MXRA7: variants seen among roughly 807,000 people sequenced by gnomAD.
The protein encoded by MXRA7 is matrix-remodeling-associated protein 7.
MXRA7 carries 18 observed loss-of-function variants against 17.4 expected under a neutral mutation model. The ratio of observed to expected loss-of-function variants is 1.03; its 90% CI spans 0.71 to 1.53. The LOEUF is 1.53. Among genes scored for constraint, MXRA7 ranks in the 40% most tolerant of loss-of-function variants. MXRA7 has a pLI of 0.00. For synonymous variants in MXRA7, 70 were observed against 101.7 expected (o/e 0.69, Z 1.87); for missense variants, 141 against 209.3 (o/e 0.67, Z 2.01).
intron 1 of MXRA7, among the ~76,000 whole-genome samples, chr17:76,691,702 G>A (rs1328015307): frequency 6.6e-6 from 1 of 152,136 alleles, no homozygotes; most frequent in Admixed American, 6.6e-5. Context: ...GTGGAGTGTT[G>A]TGTGCATGGA....
rs1032086062 is a variant in MXRA7 at position 76,680,259 on chromosome 17, A to C, written c.*608T>G. The C allele has an allele frequency of 1.0e-6, 1 of 971,086 alleles. No individual in the cohort carries two copies. Among genetic ancestry groups the C allele is most frequent in the Non-Finnish European group, 1.2e-6 (1 of 817,246 alleles). 60.2% of individuals were successfully genotyped at this position (971,086 alleles called of 1,614,324 possible). ...CCGAGATTCCTCTAGATGAAAAATA[A>C]GGGGAATGGTCAAGTAAATTCCTGG... On this transcript the variant is annotated 3_prime_UTR_variant, in exon 4 of 4. Transcript: ENST00000449428.
chr17:76,710,495 G>C, intron 1 of MXRA7, 110 bp downstream of exon 1: 2 of 936,354 alleles, frequency 2.1e-6, no homozygotes, highest in Non-Finnish European at 2.7e-6. Context: ...CGCTTCCTGG[G>C]GGCAGCCTGG....
exon 4 of MXRA7, chr17:76,673,380 T>C (rs2076216797): frequency 6.6e-6 from 1 of 152,252 alleles, no homozygotes; most frequent in Admixed American, 6.5e-5. Context: ...GCCTAATGGA[T>C]GACTGTGGGC....
At chr17:76,688,055 GAC>G in intron 2 of MXRA7, 56 bp downstream of exon 2, 1 of 1,571,192 alleles carries the variant, frequency 6.4e-7, no homozygotes, top group Non-Finnish European at 8.7e-7. Flanking sequence ...TCCCCAGCAG[GAC>G]ACAGACCACC....
rs771087675 is a variant in MXRA7, at chr17:76,680,853, T to C, written c.*14A>G. 1.2e-6 allele frequency: 2 copies of C among 1,610,306 alleles called. No individual in the cohort carries two copies. Among genetic ancestry groups the C allele is most frequent in the Admixed American group, 3.4e-5 (2 of 59,408 alleles). ...AAAGGAAAAGCCTTTAGGAGGACGCTAAGGATAACTTCGTTATTCTTCAGT... is the reference window on the plus strand; with the variant it reads ...AAAGGAAAAGCCTTTAGGAGGACGCCAAGGATAACTTCGTTATTCTTCAGT... On this transcript the variant is annotated 3_prime_UTR_variant, in exon 4 of 4. Coordinates refer to ENST00000449428, the MANE Select transcript of MXRA7 (RefSeq NM_198530.4).
At chr17:76,708,201 C>T (rs2076682595) in intron 1 of MXRA7, among the ~76,000 whole-genome samples, 1 of 152,216 alleles carries the variant, frequency 6.6e-6, no homozygotes, top group Non-Finnish European at 1.5e-5. Flanking sequence ...AGATCCTTCT[C>T]AATAATCAGC....
intron 2 of MXRA7, 114 bp downstream of exon 2, chr17:76,687,999 T>TGCCACCCCCAACCAC: frequency 1.2e-6 from 1 of 801,730 alleles, no homozygotes; most frequent in Non-Finnish European, 2.0e-6. Flanking sequence ...CAGGCCACTG[T>TGCCACCCCCAACCAC]CCCACCCCAT....
At chr17:76,698,375 A>G (rs1315525572) in intron 1 of MXRA7, among the ~76,000 whole-genome samples, 3 of 149,770 alleles carry the variant, frequency 2.0e-5, no homozygotes. Context: ...GGGGGGGAGC[A>G]GCAAAGCCCA....
At chr17:76,684,842 C>A (rs1452349792) in intron 3 of MXRA7, among the ~76,000 whole-genome samples, 1 of 152,048 alleles carries the variant, frequency 6.6e-6, no homozygotes, top group African/African-American at 2.4e-5. Flanking sequence ...TCACCAGTGG[C>A]CTCCTTCTGG....
At chr17:76,677,621 G>T (rs201215419), downstream of MXRA7, 130 of 1,612,898 alleles carry the variant, frequency 8.1e-5, no homozygotes, top group Non-Finnish European at 8.4e-5. Flanking sequence ...GCTCCTGCAC[G>T]TCGCCGTCGG....
Position 76,698,744 on chromosome 17 carries a change from T to C in MXRA7, c.343-10568A>G, listed in dbSNP as rs1327679997. ...TTTTTTTTTTTTTTTTTTTTTGAGA[T>C]AAGAGTCTTGCTCTGTTGCCCAGGC... On this transcript the variant is annotated intron_variant, in intron 1 of 3. Coordinates refer to ENST00000449428, the MANE Select transcript of MXRA7 (RefSeq NM_198530.4). Among the ~76,000 whole-genome samples the C allele has an allele frequency of 9.5e-5, 10 of 104,762 alleles. No individual in the cohort carries two copies. The Admixed American group carries it at 1.2e-3, about 12-fold the overall frequency. The allele number at this position is 104,762 out of a possible 152,430, so 68.7% of individuals were successfully genotyped here. A position where few individuals can be genotyped will look rare whatever the true frequency, so the allele number is the denominator to read the frequency against.
chr17:76,678,031 G>A (rs1056334945), downstream of MXRA7, among the ~76,000 whole-genome samples: 1 of 152,158 alleles, frequency 6.6e-6, no homozygotes, highest in Non-Finnish European at 1.5e-5. Flanking sequence ...GTCCCACAGT[G>A]ATGTAATGAG....
At chr17:76,691,122 G>A (rs1255002044) in intron 1 of MXRA7, among the ~76,000 whole-genome samples, 1 of 152,188 alleles carries the variant, frequency 6.6e-6, no homozygotes, top group African/African-American at 2.4e-5. Flanking sequence ...TTCCTCCAGA[G>A]ACTGGAGAGG....
intron 1 of MXRA7, among the ~76,000 whole-genome samples, chr17:76,708,608 T>C (rs1257147611): frequency 1.3e-5 from 2 of 152,192 alleles, no homozygotes; most frequent in Admixed American, 1.3e-4. Flanking sequence ...CTTTTTTTTC[T>C]TGTCACTGAC....
chr17:76,680,733 G>A lies in MXRA7; in HGVS notation c.*134C>T. ...GACAAGTCCTGATTGAGGGTCTAGA[G>A]CTCAGCAGATTTATGGAGGCAGCAT... On this transcript the variant is annotated 3_prime_UTR_variant, in exon 4 of 4. Coordinates refer to ENST00000449428, the MANE Select transcript of MXRA7 (RefSeq NM_198530.4). 10 of 1,485,394 alleles carry A rather than the reference G, an allele frequency of 6.7e-6. No homozygotes were observed. Among genetic ancestry groups the A allele is most frequent in the South Asian group, 1.4e-5 (1 of 72,532 alleles). The allele number at this position is 1,485,394 out of a possible 1,614,324, so 92.0% of individuals were successfully genotyped here.
At position 76,679,873 on chromosome 17, in the gene MXRA7, G is replaced by C. The variant is rs1459441924; in HGVS notation, c.*994C>G. On this transcript the variant is annotated 3_prime_UTR_variant, in exon 4 of 4. Coordinates refer to ENST00000449428, the MANE Select transcript of MXRA7 (RefSeq NM_198530.4). ...AACCAAAGGTTCCAGGCCCAGATGA[G>C]AAGGCCCCTGGGAATGCATGCCATA... 2.5e-6 allele frequency: 1 copy of C among 404,158 alleles called. No homozygotes were observed. Among genetic ancestry groups the C allele is most frequent in the Non-Finnish European group, 3.3e-6 (1 of 304,804 alleles). The allele number at this position is 404,158 out of a possible 1,614,324, so 25.0% of individuals were successfully genotyped here.
At chr17:76,703,352 T>C (rs1289732236) in intron 1 of MXRA7, among the ~76,000 whole-genome samples, 1 of 152,094 alleles carries the variant, frequency 6.6e-6, no homozygotes, top group Non-Finnish European at 1.5e-5. Context: ...TTGGGCACAG[T>C]GGCTCGCACC....
At chr17:76,683,311 G>A (rs890216431) in intron 3 of MXRA7, among the ~76,000 whole-genome samples, 2 of 152,238 alleles carry the variant, frequency 1.3e-5, no homozygotes, top group Non-Finnish European at 2.9e-5. Context: ...AAATGGGTGA[G>A]TGTTGCTACT....
rs150311579 is a variant in MXRA7 at position 76,696,246 on chromosome 17, G to A, written c.343-8070C>T. Among the ~76,000 whole-genome samples, 175 of 152,278 alleles carry A rather than the reference G, an allele frequency of 1.1e-3. 4 individuals are homozygous for A. In the East Asian group the frequency reaches 0.019, roughly 17 times the overall value. ...CAAACAGGGATAAACAAGGCTGGGC[G>A]CGGTGGCTCACACCTGTAATGCCAG... is the stretch of plus-strand genomic sequence containing the variant. On this transcript the variant is annotated intron_variant, in intron 1 of 3. Coordinates refer to ENST00000449428, the MANE Select transcript of MXRA7 (RefSeq NM_198530.4).
Sources: allele counts gnomAD v4.1 joint callset (sites outside exome capture counted in the v4.1 genomes callset), GRCh38; gene constraint gnomAD v4.1.1; transcripts MANE v1.5; gene names NCBI Gene and HGNC (gene_info 2026-07-23, HGNC 2026-07-21).